The following LRPPRC variants were observed in gnomAD, a reference collection of about 807,000 sequenced individuals.
LRPPRC encodes the protein leucine rich pentatricopeptide repeat containing.
Under a neutral mutation model 180.3 loss-of-function variants are expected in LRPPRC, and 120 were observed. The ratio of observed to expected loss-of-function variants is 0.67; its 90% confidence interval spans 0.57 to 0.77. The LOEUF (loss-of-function observed/expected upper bound fraction) is 0.77, where lower values mean the gene tolerates loss of function less well. Ranked by LOEUF, LRPPRC falls within the 30% of genes least tolerant of loss-of-function variation. The pLI is 0.00. For synonymous variants in LRPPRC, 723 were observed against 600.0 expected (o/e 1.21, Z -3.00); for missense variants, 2,012 against 1,657.2 (o/e 1.21, Z -3.72).
At chr2:43,901,232 A>AT in intron 32 of LRPPRC, 88 bp downstream of exon 32, 1 of 885,548 alleles carries the variant, frequency 1.1e-6, no homozygotes, top group South Asian at 1.3e-5. Context: ...AGGTTTCCAC[A>AT]TGTCTAAAAA....
intron 14 of LRPPRC, among the ~76,000 whole-genome samples, chr2:43,956,201 TTAAGA>T (rs1391432378): frequency 6.6e-6 from 1 of 152,130 alleles, no homozygotes; most frequent in Non-Finnish European, 1.5e-5. Flanking sequence ...TTGTTCTGCA[TTAAGA>T]TAATAAAGAG....
intron 29 of LRPPRC, among the ~76,000 whole-genome samples, chr2:43,914,973 C>G (rs555346549): frequency 1.3e-5 from 2 of 148,466 alleles, no homozygotes; most frequent in South Asian, 4.3e-4. Context: ...CTTTGGGAGG[C>G]TCAGGTGGGC....
chr2:43,888,645 T>C lies in LRPPRC; in HGVS notation c.4140A>G (p.Glu1380=), dbSNP rs2104967477. 1.3e-6 allele frequency: 2 copies of C among 1,593,768 alleles called. No homozygotes were observed. Among genetic ancestry groups the C allele is most frequent in the Non-Finnish European group, 1.7e-6 (2 of 1,161,702 alleles). The part of the protein sequence containing the change: ...VPFIEPPESF[E]FYAQQLRKLR... ...ATTTTCTTAGCTGCTGTGCATAAAA[T>C]TCAAAGCTTTCCTGTTAAGGAGAAA... The change falls in exon 38 of 38, where the codon GAA becomes GAG. Residue 1380 remains glutamate, a synonymous_variant. Coordinates refer to ENST00000260665, the MANE Select transcript of LRPPRC (RefSeq NM_133259.4).
chr2:43,955,113 C>T (rs1219319785), intron 14 of LRPPRC, among the ~76,000 whole-genome samples: 1 of 152,022 alleles, frequency 6.6e-6, no homozygotes, highest in African/African-American at 2.4e-5. Context: ...TAATATGCAT[C>T]TTTTGCAGGG....
Position 43,973,873 on chromosome 2 carries a change from T to C in LRPPRC, c.1183A>G (p.Lys395Glu), listed in dbSNP as rs147152843. The C allele has an allele frequency of 2.7e-5, 44 of 1,611,292 alleles. No homozygotes were observed. The highest frequency in any genetic ancestry group is 3.7e-5 in the Non-Finnish European group (43 of 1,177,690). ...TPVEKLTDYC[K>E]KLKEVQMHSF... Reference sequence around the variant, plus strand: ...TGCATCTGGACTTCCTTTAACTTCTTACAGTAGTCTGTTAGCTTCTCCACA... The same window carrying C: ...TGCATCTGGACTTCCTTTAACTTCTCACAGTAGTCTGTTAGCTTCTCCACA... Residue 395 changes from lysine (K) to glutamate (E), a missense_variant, in exon 10 of 38, where the codon AAG becomes GAG. By Grantham distance (56) the Lys-to-Glu change is moderately conservative. Transcript: ENST00000260665.
At chr2:43,913,980 C>T (rs1671353901) in intron 29 of LRPPRC, among the ~76,000 whole-genome samples, 1 of 152,156 alleles carries the variant, frequency 6.6e-6, no homozygotes. Flanking sequence ...AAATTTAAGA[C>T]TTTTATTTAC....
intron 34 of LRPPRC, 148 bp downstream of exon 34, chr2:43,899,071 G>A: frequency 1.5e-6 from 1 of 685,070 alleles, no homozygotes; most frequent in South Asian, 1.6e-5. Context: ...TCCTTGTCCT[G>A]CAACCGTGAT....
chr2:43,996,143 A>C (rs1182007900), upstream of LRPPRC: 7 of 545,020 alleles, frequency 1.3e-5, no homozygotes, highest in East Asian at 1.0e-4. Context: ...TATTTACATA[A>C]ACGATGTTGC....
chr2:43,982,542 C>A (rs1674359259), intron 1 of LRPPRC, 108 bp from the exon 2 acceptor site: 9 of 786,760 alleles, frequency 1.1e-5, no homozygotes, highest in Non-Finnish European at 1.7e-5. Flanking sequence ...CCTAAAATCA[C>A]AGTACAATAC....
intron 14 of LRPPRC, among the ~76,000 whole-genome samples, chr2:43,951,279 T>A (rs1216341008): frequency 1.3e-5 from 2 of 152,274 alleles, no homozygotes; most frequent in East Asian, 3.9e-4. Context: ...AGATAAAAAT[T>A]AGGTATCTTT....
chr2:43,936,543 T>C (rs1672285673), intron 23 of LRPPRC, among the ~76,000 whole-genome samples: 1 of 152,232 alleles, frequency 6.6e-6, no homozygotes, highest in Non-Finnish European at 1.5e-5. Context: ...TTCACATTTT[T>C]GCCTATTATA....
At chr2:43,950,995 G>T (rs749804550) in intron 14 of LRPPRC, among the ~76,000 whole-genome samples, 4 of 152,148 alleles carry the variant, frequency 2.6e-5, no homozygotes, top group Non-Finnish European at 5.9e-5. Flanking sequence ...GCCTGAACCC[G>T]GGAAGCGGAG....
chr2:43,980,661 A>C (rs746659891), intron 2 of LRPPRC, among the ~76,000 whole-genome samples: 10 of 152,206 alleles, frequency 6.6e-5, no homozygotes, highest in Non-Finnish European at 1.5e-4. Context: ...TTAGGTTCAT[A>C]ATCAGCTACA....
Position 43,899,562 on chromosome 2 carries a change from T to C in LRPPRC, c.3613A>G (p.Thr1205Ala). ...GGTTCAATGACTTTATTCTCTGAAG[T>C]AAGCATATTTTCAATGTTTTCTATT... ...AAIENIENML[T>A]SENKVIEPQY... Residue 1205 changes from threonine to alanine, a missense_variant, in exon 33 of 38, where the codon ACT becomes GCT. Physicochemically the swap from Thr to Ala is moderately conservative, Grantham distance 58. Transcript: ENST00000260665. The C allele has an allele frequency of 1.2e-6, 2 of 1,610,078 alleles. No homozygotes were observed. Among genetic ancestry groups the C allele is most frequent in the South Asian group, 1.1e-5 (1 of 90,974 alleles).
In LRPPRC at chr2:43,904,169, T is replaced by C. The variant is rs1292415412; in HGVS notation, c.3364+1523A>G. Among the ~76,000 whole-genome samples, 11 of 152,220 alleles carry C rather than the reference T, an allele frequency of 7.2e-5. No homozygotes were observed. In the East Asian group the frequency reaches 2.1e-3, roughly 30 times the overall value. ...ACTGCCCAGGCTGGTCTTGAACTCC[T>C]GGACTCAAGCAATCCTCCTGCCACA... is the stretch of plus-strand genomic sequence containing the variant. On this transcript the variant is annotated intron_variant, in intron 31 of 37. Coordinates refer to ENST00000260665, the MANE Select transcript of LRPPRC (RefSeq NM_133259.4).
At chr2:43,960,510 A>G (rs773746570) in intron 13 of LRPPRC, 31 bp downstream of exon 13, 3 of 1,147,154 alleles carry the variant, frequency 2.6e-6, no homozygotes, top group Non-Finnish European at 4.0e-6. Flanking sequence ...ATAAACATCT[A>G]TCAAGTTTAC....
chr2:43,903,844 A>G (rs1670972130), intron 31 of LRPPRC: 2 of 152,246 alleles, frequency 1.3e-5, no homozygotes, highest in Admixed American at 6.5e-5. Flanking sequence ...AACAAAAGCT[A>G]TTTATGACAA....
At chr2:43,937,430 G>C (rs1031949875) in intron 23 of LRPPRC, among the ~76,000 whole-genome samples, 3 of 152,064 alleles carry the variant, frequency 2.0e-5, no homozygotes, top group Non-Finnish European at 4.4e-5. Context: ...CATTTTAAAA[G>C]ACAAAAATTT....
At chr2:43,921,585 G>C (rs1397616184) in intron 27 of LRPPRC, among the ~76,000 whole-genome samples, 4 of 152,134 alleles carry the variant, frequency 2.6e-5, no homozygotes, top group African/African-American at 9.7e-5. Context: ...GGATATAAAG[G>C]TAGAGAGAGG....
Sources: gnomAD v4.1 joint callset for allele counts (sites outside exome capture counted in the v4.1 genomes callset) on GRCh38, gnomAD v4.1.1 for gene constraint, MANE v1.5 for transcripts, NCBI Gene and HGNC (gene_info 2026-07-23, HGNC 2026-07-21) for gene names.